AGAP1: variants seen among roughly 807,000 people sequenced by gnomAD.
AGAP1 encodes ArfGAP with GTPase domain, ankyrin repeat and PH domain 1.
A neutral mutation model predicts 105.3 loss-of-function variants in AGAP1; 29 were observed. That is an observed-to-expected ratio of 0.28 (90% confidence interval 0.21 to 0.38). The LOEUF is 0.38. Among genes scored for constraint, AGAP1 ranks in the 10% least tolerant of loss-of-function variants. The pLI is 1.00. For missense variants in AGAP1, 998 were observed against 1,165.1 expected (o/e 0.86, Z 2.09); for synonymous variants, 509 against 485.9 (o/e 1.05, Z -0.63).
At chr2:235,661,458 C>T (rs75694609) in intron 1 of AGAP1, among the ~76,000 whole-genome samples, 2,830 of 147,106 alleles carry the variant, frequency 0.019, 82 homozygotes, top group East Asian at 0.1. Context: ...GGAGGCCATC[C>T]TACTGAGGGG....
At chr2:236,118,654 G>C (rs1437876557) in intron 16 of AGAP1, among the ~76,000 whole-genome samples, 1 of 152,074 alleles carries the variant, frequency 6.6e-6, no homozygotes, top group East Asian at 1.9e-4. Flanking sequence ...CTCCCAAAGT[G>C]CTGGGATTAC....
intron 12 of AGAP1, among the ~76,000 whole-genome samples, chr2:235,955,793 G>A (rs966598614): frequency 2.0e-5 from 3 of 152,108 alleles, no homozygotes; most frequent in South Asian, 2.1e-4. Flanking sequence ...GATGTACTTC[G>A]AAGCAGCGGC....
intron 13 of AGAP1, among the ~76,000 whole-genome samples, chr2:235,984,172 C>T (rs1196561073): frequency 6.6e-6 from 1 of 152,186 alleles, no homozygotes; most frequent in Non-Finnish European, 1.5e-5. Context: ...GAATATGGAT[C>T]CTTTTGTGTC....
intron 8 of AGAP1, among the ~76,000 whole-genome samples, chr2:235,805,713 T>G (rs1957803263): frequency 6.6e-6 from 1 of 152,144 alleles, no homozygotes; most frequent in Non-Finnish European, 1.5e-5. Context: ...AAAAGAAAAA[T>G]GAGCCCTTGA....
intron 9 of AGAP1, among the ~76,000 whole-genome samples, chr2:235,819,305 G>C (rs1272325714): frequency 6.6e-6 from 1 of 151,846 alleles, no homozygotes; most frequent in Non-Finnish European, 1.5e-5. Flanking sequence ...AATAGAGATA[G>C]GGTTTTGCCA....
intron 1 of AGAP1, among the ~76,000 whole-genome samples, chr2:235,495,422 T>C (rs967562562): frequency 7.2e-5 from 11 of 152,358 alleles, no homozygotes; most frequent in African/African-American, 2.4e-4. Context: ...GTGCAAACGC[T>C]GGAACCGGTA....
At chr2:235,653,049 G>T (rs1294766663) in intron 1 of AGAP1, among the ~76,000 whole-genome samples, 1 of 152,160 alleles carries the variant, frequency 6.6e-6, no homozygotes, top group Non-Finnish European at 1.5e-5. Context: ...CACCGGGAAG[G>T]ATAAGAGGGT....
chr2:236,104,246 G>C lies in AGAP1; in HGVS notation c.2115-15946G>C, dbSNP rs951150271. On this transcript the variant is annotated intron_variant, in intron 16 of 17. Transcript: ENST00000304032. This position sits in a 1 kb window ranked among gnomAD's most constrained non-coding sequence, Gnocchi z 4.7. ...GCCTGTTGGCTGCTGTGAGAGATAC[G>C]CCACCAGGCCAGGCTGACATGGGCA... 6.6e-6 allele frequency among the ~76,000 whole-genome samples: 1 copy of C among 152,172 alleles called. No homozygotes were observed. The highest frequency in any genetic ancestry group is 1.5e-5 in the Non-Finnish European group (1 of 68,012).
chr2:236,000,598 C>T lies in AGAP1; in HGVS notation c.1645+31975C>T, dbSNP rs972202608. Among the ~76,000 whole-genome samples, 1 of 152,118 alleles carries T rather than the reference C, an allele frequency of 6.6e-6. No homozygotes were observed. Among genetic ancestry groups the T allele is most frequent in the Non-Finnish European group, 1.5e-5 (1 of 68,038 alleles). ...TGCAGAGGCTGGGCGAACACCAGCC[C>T]GAGCCTGACTTAAGCAGGATGGGCA... On this transcript the variant is annotated intron_variant, in intron 13 of 17. Coordinates refer to ENST00000304032, the MANE Select transcript of AGAP1 (RefSeq NM_001037131.3). This position sits in a 1 kb window ranked among gnomAD's most constrained non-coding sequence, Gnocchi z 4.3.
rs149841136 is a variant in AGAP1, at chr2:235,970,969, A to G, written c.1645+2346A>G. Among the ~76,000 whole-genome samples the G allele has an allele frequency of 7.9e-5, 12 of 152,314 alleles. No individual in the cohort carries two copies. The East Asian group carries it at 1.9e-3, about 25-fold the overall frequency. ...GTCTTACTGCTGAGGTGGTAACACC[A>G]GCAGAAAGATTTCAGGCACCATGGA... On this transcript the variant is annotated intron_variant, in intron 13 of 17. Transcript: ENST00000304032. This position sits in a 1 kb window ranked among gnomAD's most constrained non-coding sequence, Gnocchi z 5.4.
At chr2:235,771,832 A>G (rs60795232) in intron 6 of AGAP1, among the ~76,000 whole-genome samples, 38,386 of 151,936 alleles carry the variant, frequency 0.25, 5,195 homozygotes, top group Admixed American at 0.39. Context: ...TGTCGTTTTA[A>G]CCTTACAATA....
intron 9 of AGAP1, among the ~76,000 whole-genome samples, chr2:235,841,471 A>G (rs920122556): frequency 2.0e-5 from 3 of 152,228 alleles, no homozygotes; most frequent in South Asian, 2.1e-4. Context: ...TGTACAACAA[A>G]TAAACAGATT....
chr2:235,546,972 G>T (rs150191202), intron 1 of AGAP1, among the ~76,000 whole-genome samples: 48 of 152,332 alleles, frequency 3.2e-4, no homozygotes, highest in African/African-American at 1.1e-3. Context: ...GTAGGGACCT[G>T]CTGTGGCAGC....
chr2:235,494,809 G>A lies in AGAP1; in HGVS notation c.123G>A (p.Val41=), dbSNP rs1411697905. 10 of 1,584,134 alleles carry A rather than the reference G, an allele frequency of 6.3e-6. No individual in the cohort carries two copies. The highest frequency in any genetic ancestry group is 8.6e-6 in the Non-Finnish European group (10 of 1,165,164). ...TGCTGGAGCGCGTGGAGGAGCCGGT[G>A]CTGCAGAACCAGATCCGGGAGCACG... The part of the protein sequence containing the change: ...YELLERVEEP[V]LQNQIREHVI... Residue 41 remains valine, a synonymous_variant, in exon 1 of 18, where the codon GTG becomes GTA. Coordinates refer to ENST00000304032, the MANE Select transcript of AGAP1 (RefSeq NM_001037131.3).
Position 235,700,519 on chromosome 2 carries a change from G to C in AGAP1, c.164-8660G>C, listed in dbSNP as rs1950196711. ...TGAAGAAACTGTAATGAAAATGAGGGCCGGGTGTGTTGGCTCACACTTGTA... is the reference window on the plus strand; with the variant it reads ...TGAAGAAACTGTAATGAAAATGAGGCCCGGGTGTGTTGGCTCACACTTGTA... On this transcript the variant is annotated intron_variant, in intron 1 of 17. Coordinates refer to ENST00000304032, the MANE Select transcript of AGAP1 (RefSeq NM_001037131.3). The surrounding 1 kb of genome is among the most constrained non-coding windows in gnomAD (Gnocchi z 6.1). 1.3e-5 allele frequency among the ~76,000 whole-genome samples: 2 copies of C among 152,132 alleles called. No individual in the cohort carries two copies. The highest frequency in any genetic ancestry group is 4.8e-5 in the African/African-American group (2 of 41,404).
chr2:235,839,920 G>A (rs757687941), intron 9 of AGAP1, among the ~76,000 whole-genome samples: 9 of 152,272 alleles, frequency 5.9e-5, no homozygotes, highest in East Asian at 3.9e-4. Flanking sequence ...AAAGAATTAC[G>A]AACTTCTGTT....
chr2:235,808,799 A>G (rs1450208396), intron 9 of AGAP1, among the ~76,000 whole-genome samples: 1 of 152,128 alleles, frequency 6.6e-6, no homozygotes, highest in Non-Finnish European at 1.5e-5. Context: ...CCCTCCATAT[A>G]TTCAAAGACA....
rs1006048247 is a variant in AGAP1, at chr2:235,614,480, G to A, written c.164-94699G>A. The stretch of plus-strand genomic sequence containing the variant: ...AAGAAGGCAGTTGTAGCTCAAGGGA[G>A]AGAAAAGGCAAGGAGAAACATGGCG... On this transcript the variant is annotated intron_variant, in intron 1 of 17. Coordinates refer to ENST00000304032, the MANE Select transcript of AGAP1 (RefSeq NM_001037131.3). This position sits in a 1 kb window ranked among gnomAD's most constrained non-coding sequence, Gnocchi z 4.7. Among the ~76,000 whole-genome samples the A allele has an allele frequency of 4.6e-5, 7 of 152,190 alleles. No homozygotes were observed. The highest frequency in any genetic ancestry group is 3.2e-3 in the Middle Eastern group (1 of 316).
intron 6 of AGAP1, among the ~76,000 whole-genome samples, chr2:235,786,452 A>G (rs1575461362): frequency 6.6e-6 from 1 of 152,192 alleles, no homozygotes; most frequent in East Asian, 1.9e-4. Flanking sequence ...TCCATTTCAG[A>G]TTAATCTAAG....
Sources: allele counts gnomAD v4.1 joint callset (sites outside exome capture counted in the v4.1 genomes callset), GRCh38; gene constraint gnomAD v4.1.1; non-coding constraint Gnocchi (gnomAD v3.1); transcripts MANE v1.5; gene names NCBI Gene and HGNC (gene_info 2026-07-23, HGNC 2026-07-21).